DMD: variants seen among roughly 807,000 people sequenced by gnomAD.
DMD encodes mutant dystrophin.
Under a neutral mutation model 330.1 loss-of-function variants are expected in DMD, and 63 were observed. The ratio of observed to expected loss-of-function variants is 0.19; its 90% CI spans 0.16 to 0.24. The LOEUF (loss-of-function observed/expected upper bound fraction) is 0.24. Ranked by LOEUF, DMD falls within the 10% of genes least tolerant of loss-of-function variation. The pLI, the probability that DMD is intolerant of heterozygous loss-of-function variation, is 1.00. For missense variants in DMD, 3,344 were observed against 2,684.1 expected, an observed-to-expected ratio of 1.25 and a Z score of -5.43; for synonymous variants, 1,223 against 959.8, an observed-to-expected ratio of 1.27 and a Z score of -5.07.
At chrX:32,792,318 A>C (rs2075876112) in intron 7 of DMD, among the ~76,000 whole-genome samples, 1 of 110,181 alleles carries the variant, frequency 9.1e-6, no homozygotes, top group Non-Finnish European at 1.9e-5. Flanking sequence ...CTAGTAGTGC[A>C]AACACACAAA....
intron 67 of DMD, among the ~76,000 whole-genome samples, chrX:31,189,500 C>G (rs150151093): frequency 0.014 from 1,515 of 111,458 alleles, 28 homozygotes; most frequent in African/African-American, 0.046. Flanking sequence ...TGGACCCACA[C>G]AGTTCAAATC....
chrX:32,531,226 A>G (rs1439245981), intron 17 of DMD, among the ~76,000 whole-genome samples: 1 of 111,888 alleles, frequency 8.9e-6, no homozygotes, highest in East Asian at 2.8e-4. Context: ...GGTACACACA[A>G]AAGTACCTTG....
intron 5 of DMD, among the ~76,000 whole-genome samples, chrX:32,817,493 C>T (rs763823328): frequency 1.1e-4 from 12 of 111,757 alleles, no homozygotes; most frequent in Admixed American, 3.8e-4. Flanking sequence ...AATGCAGTGA[C>T]GCTTCATAGA....
chrX:33,150,292 CTTTTTTTT>C (rs67904733), intron 1 of DMD, among the ~76,000 whole-genome samples: 2 of 87,626 alleles, frequency 2.3e-5, no homozygotes. Flanking sequence ...AAAAGTCAGT[CTTTTTTTT>C]TTTTTTTTTT....
intron 21 of DMD, among the ~76,000 whole-genome samples, chrX:32,473,873 G>T (rs1186173021): frequency 9.1e-6 from 1 of 109,951 alleles, no homozygotes; most frequent in East Asian, 2.9e-4. Context: ...GGTAAAGGTG[G>T]TATTTGGTTA....
In DMD at chrX:32,809,512, C is replaced by A; in HGVS notation, c.630G>T (p.Glu210Asp). ...FNIARYQLGI[E>D]KLLDPEDVDT... ...ACCAACCTTCAGGATCGAGTAGTTTCTCTATGCCTAATTGATATCTGGCGA... is the reference window on the plus strand; with the variant it reads ...ACCAACCTTCAGGATCGAGTAGTTTATCTATGCCTAATTGATATCTGGCGA... The change falls in exon 7 of 79, where the codon GAG becomes GAT. Residue 210 changes from glutamate (E) to aspartate (D), a missense_variant. Glu to Asp is a conservative substitution (Grantham distance 45, BLOSUM62 2). Transcript: ENST00000357033. 3.3e-6 allele frequency: 4 copies of A among 1,210,592 alleles called. No individual in the cohort carries two copies. Among genetic ancestry groups the A allele is most frequent in the South Asian group, 1.8e-5 (1 of 56,973 alleles).
intron 47 of DMD, among the ~76,000 whole-genome samples, chrX:31,896,520 AT>A (rs1416178663): frequency 1.8e-5 from 2 of 111,662 alleles, no homozygotes; most frequent in African/African-American, 3.3e-5. Flanking sequence ...ATTTGTTATG[AT>A]TTCCTTTCTT....
chrX:32,543,911 A>G (rs1319371905), intron 17 of DMD, among the ~76,000 whole-genome samples: 1 of 112,493 alleles, frequency 8.9e-6, no homozygotes, highest in Non-Finnish European at 1.9e-5. Flanking sequence ...GAAAGTAATC[A>G]TAAGTGATAA....
At chrX:32,483,849 T>TA (rs1452050302) in intron 21 of DMD, among the ~76,000 whole-genome samples, 1 of 96,919 alleles carries the variant, frequency 1.0e-5, no homozygotes, top group Non-Finnish European at 2.1e-5. Context: ...AAAAAGTATT[T>TA]ATCCTTTGCT....
chrX:32,724,228 CTAAAT>C (rs1316381783), intron 7 of DMD, among the ~76,000 whole-genome samples: 1 of 111,294 alleles, frequency 9.0e-6, no homozygotes, highest in Non-Finnish European at 1.9e-5. Flanking sequence ...ATAATAAACT[CTAAAT>C]TAAATCAGAC....
At chrX:32,391,418 C>A (rs1018119612) in intron 30 of DMD, among the ~76,000 whole-genome samples, 10 of 111,151 alleles carry the variant, frequency 9.0e-5, no homozygotes, top group African/African-American at 3.3e-4. Context: ...ATACCAAGAA[C>A]ATGGACTAAG....
At position 32,259,527 on chromosome X, in the gene DMD, C is replaced by T. The variant is rs753798726; in HGVS notation, c.6290+28002G>A. On this transcript the variant is annotated intron_variant, in intron 43 of 78. Transcript: ENST00000357033. ...AAATTATTGGTATATTTACTTTGTA[C>T]TAAATGTAATGGGATTTGATATTAT... is the stretch of plus-strand genomic sequence containing the variant. Among the ~76,000 whole-genome samples the T allele has an allele frequency of 1.3e-4, 14 of 106,906 alleles. No individual in the cohort carries two copies. In the South Asian group the frequency reaches 5.6e-3, roughly 43 times the overall value. 92.8% of individuals were successfully genotyped at this position (106,906 alleles called of 115,157 possible).
Position 32,844,639 on chromosome X carries a change from A to C in DMD, c.264+144T>G, listed in dbSNP as rs2148983325. ...ATTAGCCACAATCAGGCATACACGA[A>C]TTACAACATGTGCTCTCAGTAAGAA... On this transcript the variant is annotated intron_variant, in intron 4 of 78. Transcript: ENST00000357033. The C allele has an allele frequency of 1.1e-5, 6 of 529,520 alleles. No individual in the cohort carries two copies. The East Asian group carries it at 1.5e-4, about 13-fold the overall frequency. 43.6% of individuals were successfully genotyped at this position (529,520 alleles called of 1,213,427 possible). A position where few individuals can be genotyped will look rare whatever the true frequency, so the allele number is the denominator to read the frequency against.
chrX:32,416,696 G>A (rs902584863), intron 29 of DMD, among the ~76,000 whole-genome samples: 1 of 111,839 alleles, frequency 8.9e-6, no homozygotes, highest in African/African-American at 3.3e-5. Context: ...TTTATAGAAA[G>A]TGTCTTGGGA....
At chrX:31,749,829 T>C (rs1330836132) in intron 51 of DMD, among the ~76,000 whole-genome samples, 10 of 105,516 alleles carry the variant, frequency 9.5e-5, no homozygotes, top group East Asian at 6.0e-4. Flanking sequence ...TTTTAATGAT[T>C]GCCATTCTAA....
intron 13 of DMD, among the ~76,000 whole-genome samples, chrX:32,583,444 A>G (rs1182922070): frequency 1.8e-5 from 2 of 111,677 alleles, no homozygotes; most frequent in Non-Finnish European, 3.8e-5. Context: ...TGTTGCATTG[A>G]GCTGAGATCT....
intron 4 of DMD, among the ~76,000 whole-genome samples, chrX:32,828,168 T>C (rs1157315043): frequency 4.5e-5 from 5 of 111,794 alleles, no homozygotes; most frequent in Non-Finnish European, 9.4e-5. Context: ...CTACTGTGAA[T>C]AGTGCTGCAA....
At chrX:31,958,495 C>T (rs868625999) in intron 45 of DMD, among the ~76,000 whole-genome samples, 1 of 111,172 alleles carries the variant, frequency 9.0e-6, no homozygotes, top group African/African-American at 3.3e-5. Flanking sequence ...TGTTTGTCAA[C>T]CCTTCTGATT....
chrX:32,494,685 A>C (rs2043315777), intron 19 of DMD, among the ~76,000 whole-genome samples: 1 of 111,796 alleles, frequency 8.9e-6, no homozygotes, highest in Non-Finnish European at 1.9e-5. Flanking sequence ...AATGAAAAAG[A>C]ATATTCAGAA....
Sources: allele counts gnomAD v4.1 joint callset (sites outside exome capture counted in the v4.1 genomes callset), GRCh38; gene constraint gnomAD v4.1.1; transcripts MANE v1.5; gene names NCBI Gene and HGNC (gene_info 2026-07-23, HGNC 2026-07-21).